EFCAB6: variants seen among roughly 807,000 people sequenced by gnomAD.
EFCAB6 encodes the protein EF-hand calcium-binding domain-containing protein 6.
Under a neutral mutation model 169.8 loss-of-function variants are expected in EFCAB6, and 156 were observed. The observed-to-expected ratio is 0.92, with a 90% confidence interval of 0.81 to 1.05. The LOEUF (loss-of-function observed/expected upper bound fraction) is 1.05, where lower values mean the gene tolerates loss of function less well. Among genes scored for constraint, EFCAB6 ranks in the 50% least tolerant of loss-of-function variants. The pLI is 0.00. For synonymous variants in EFCAB6, 698 were observed against 676.4 expected, an observed-to-expected ratio of 1.03 and a Z score of -0.50; for missense variants, 1,800 against 1,829.1, an observed-to-expected ratio of 0.98 and a Z score of 0.29.
At chr22:43,753,319 G>A (rs906355443) in intron 6 of EFCAB6, among the ~76,000 whole-genome samples, 3 of 152,220 alleles carry the variant, frequency 2.0e-5, no homozygotes, top group African/African-American at 7.2e-5. Flanking sequence ...AAAAGCAAGG[G>A]CCAGGAGAGT....
At chr22:43,616,133 T>G (rs1884241410) in intron 20 of EFCAB6, among the ~76,000 whole-genome samples, 1 of 152,256 alleles carries the variant, frequency 6.6e-6, no homozygotes, top group African/African-American at 2.4e-5. Flanking sequence ...CCTTGTTTAT[T>G]TTCAGATAAA....
intron 15 of EFCAB6, 30 bp downstream of exon 15, chr22:43,671,943 C>T (rs1457883343): frequency 1.2e-6 from 2 of 1,608,198 alleles, no homozygotes; most frequent in African/African-American, 1.3e-5. Context: ...AAAAACACGA[C>T]ATGAATTAAT....
intron 21 of EFCAB6, among the ~76,000 whole-genome samples, chr22:43,612,961 T>C (rs974067737): frequency 6.7e-6 from 1 of 149,690 alleles, no homozygotes; most frequent in Non-Finnish European, 1.5e-5. Flanking sequence ...GGAACGCTTA[T>C]ATACTGTTGG....
intron 2 of EFCAB6, among the ~76,000 whole-genome samples, chr22:43,805,971 C>T (rs1214664165): frequency 6.6e-6 from 1 of 151,994 alleles, no homozygotes; most frequent in Non-Finnish European, 1.5e-5. Context: ...TCGAGACTAG[C>T]CTGGCCAACA....
intron 2 of EFCAB6, among the ~76,000 whole-genome samples, chr22:43,807,145 G>A (rs921101162): frequency 1.3e-5 from 2 of 152,076 alleles, no homozygotes; most frequent in African/African-American, 4.8e-5. Flanking sequence ...ATTAAACTTT[G>A]CTCTTGATGG....
At chr22:43,624,518 C>T (rs1339345232) in intron 20 of EFCAB6, among the ~76,000 whole-genome samples, 1 of 152,196 alleles carries the variant, frequency 6.6e-6, no homozygotes. Context: ...GTGCTTAACA[C>T]TCCCGCCTGC....
chr22:43,539,730 T>C (rs923936046), intron 28 of EFCAB6, among the ~76,000 whole-genome samples: 6 of 152,226 alleles, frequency 3.9e-5, no homozygotes, highest in African/African-American at 1.4e-4. Flanking sequence ...AGAGCCTCAC[T>C]GTGTTCAACT....
intron 9 of EFCAB6, among the ~76,000 whole-genome samples, chr22:43,716,326 G>C (rs2059330862): frequency 6.6e-6 from 1 of 152,110 alleles, no homozygotes; most frequent in African/African-American, 2.4e-5. Flanking sequence ...CACATATAAA[G>C]AGTGGTTCAT....
chr22:43,745,115 T>G (rs1603309957), intron 6 of EFCAB6, among the ~76,000 whole-genome samples: 1 of 152,378 alleles, frequency 6.6e-6, no homozygotes, highest in African/African-American at 2.4e-5. Flanking sequence ...TGAGTTCAGA[T>G]GGTTCCATAA....
intron 17 of EFCAB6, among the ~76,000 whole-genome samples, chr22:43,659,971 A>C (rs2056924635): frequency 6.6e-6 from 1 of 152,158 alleles, no homozygotes; most frequent in Non-Finnish European, 1.5e-5. Flanking sequence ...TCCCTACTGC[A>C]TGTCTCAGGG....
intron 26 of EFCAB6, among the ~76,000 whole-genome samples, chr22:43,568,555 C>T (rs2049601194): frequency 6.6e-6 from 1 of 152,114 alleles, no homozygotes; most frequent in Admixed American, 6.5e-5. Context: ...CCCGTGGAGG[C>T]TAGGAATCAA....
chr22:43,765,326 A>T lies in EFCAB6; in HGVS notation c.419T>A (p.Leu140Gln). ...TTACCTCTTTATACCATTTATATAT[A>T]GGTCAATTCCACCAAACCTGGACAG... The part of the protein sequence containing the change: ...AFLSRFGGID[L>Q]YINGIKRGGG... The change falls in exon 5 of 32, where the codon CTA (leucine) becomes CAA (glutamine). Residue 140 changes from leucine (L) to glutamine (Q), a missense_variant. By Grantham distance (113) the Leu-to-Gln change is moderately radical (BLOSUM62 -2). Transcript: ENST00000262726. The T allele has an allele frequency of 6.2e-7, 1 of 1,612,446 alleles. No individual in the cohort carries two copies.
chr22:43,760,893 C>T (rs1156606713), intron 5 of EFCAB6, among the ~76,000 whole-genome samples: 4 of 152,218 alleles, frequency 2.6e-5, no homozygotes, highest in Non-Finnish European at 2.9e-5. Flanking sequence ...GAACTCCTAA[C>T]CTCAAGTGAT....
At chr22:43,627,640 C>G (rs2054620396) in intron 19 of EFCAB6, among the ~76,000 whole-genome samples, 1 of 152,198 alleles carries the variant, frequency 6.6e-6, no homozygotes, top group Non-Finnish European at 1.5e-5. Flanking sequence ...TCCCGGGTCT[C>G]AGGCCTGAAA....
At chr22:43,561,880 T>G (rs1246026494) in intron 26 of EFCAB6, among the ~76,000 whole-genome samples, 3 of 152,172 alleles carry the variant, frequency 2.0e-5, no homozygotes, top group African/African-American at 7.2e-5. Flanking sequence ...CAATATTAAC[T>G]GCGCTTTACA....
chr22:43,717,515 A>G (rs1233600336), intron 8 of EFCAB6, among the ~76,000 whole-genome samples: 1 of 152,166 alleles, frequency 6.6e-6, no homozygotes, highest in East Asian at 1.9e-4. Flanking sequence ...TAAACATCCA[A>G]TAGAACAGTA....
At chr22:43,583,028 C>T (rs895242154) in intron 24 of EFCAB6, among the ~76,000 whole-genome samples, 4 of 152,110 alleles carry the variant, frequency 2.6e-5, no homozygotes, top group African/African-American at 7.2e-5. Context: ...ACTGTTTGTT[C>T]CCACTGACTA....
At chr22:43,653,627 G>C (rs1344684057) in intron 17 of EFCAB6, among the ~76,000 whole-genome samples, 3 of 152,138 alleles carry the variant, frequency 2.0e-5, no homozygotes, top group Admixed American at 2.0e-4. Flanking sequence ...GAGAAATGAA[G>C]ACAGAGAATC....
Position 43,710,808 on chromosome 22 carries a change from T to C in EFCAB6, c.1031+667A>G, listed in dbSNP as rs540059811. Among the ~76,000 whole-genome samples the C allele has an allele frequency of 3.3e-5, 5 of 152,256 alleles. 1 individual carries two copies. Among genetic ancestry groups the C allele is most frequent in the African/African-American group, 9.6e-5 (4 of 41,560 alleles). On this transcript the variant is annotated intron_variant, in intron 10 of 31. Coordinates refer to ENST00000262726, the MANE Select transcript of EFCAB6 (RefSeq NM_022785.4). ...CCCCCCACTCCCCACAAAATGAACA[T>C]GGGTCTGTACATCTACATCTAACTA... is the stretch of plus-strand genomic sequence containing the variant.
Sources: allele counts gnomAD v4.1 joint callset (sites outside exome capture counted in the v4.1 genomes callset), GRCh38; gene constraint gnomAD v4.1.1; transcripts MANE v1.5; gene names NCBI Gene and HGNC (gene_info 2026-07-23, HGNC 2026-07-21).